Variants in PALS2 observed in about 807,000 individuals in gnomAD.
PALS2 encodes the protein protein associated with LIN7 2, MAGUK p55 family member.
PALS2 carries 27 observed loss-of-function variants against 61.6 expected under a neutral mutation model. The observed-to-expected ratio is 0.44, with a 90% CI of 0.32 to 0.60. The LOEUF (loss-of-function observed/expected upper bound fraction) is 0.60, where lower values mean the gene tolerates loss of function less well. Ranked by LOEUF, PALS2 falls within the 20% of genes least tolerant of loss-of-function variation. The pLI, the probability that PALS2 is intolerant of heterozygous loss-of-function variation, is 0.05. For synonymous variants in PALS2, 236 were observed against 218.6 expected (o/e 1.08, Z -0.70); for missense variants, 554 against 639.4 (o/e 0.87, Z 1.44).
At chr7:24,619,817 A>G (rs892829998) in intron 1 of PALS2, among the ~76,000 whole-genome samples, 129 of 151,994 alleles carry the variant, frequency 8.5e-4, no homozygotes, top group African/African-American at 2.9e-3. Flanking sequence ...ATTATTGAGA[A>G]GGAGTGGAAC....
At chr7:24,617,334 T>G (rs1038684658) in intron 1 of PALS2, among the ~76,000 whole-genome samples, 1 of 152,244 alleles carries the variant, frequency 6.6e-6, no homozygotes, top group Non-Finnish European at 1.5e-5. Flanking sequence ...TCTCACTGTT[T>G]CCTTACGATT....
At chr7:24,616,397 A>C (rs1364834452) in intron 1 of PALS2, among the ~76,000 whole-genome samples, 1 of 152,186 alleles carries the variant, frequency 6.6e-6, no homozygotes, top group African/African-American at 2.4e-5. Context: ...TTCTATATAC[A>C]AACAACACAC....
intron 1 of PALS2, among the ~76,000 whole-genome samples, chr7:24,575,972 TA>T (rs1158984922): frequency 6.6e-6 from 1 of 152,138 alleles, no homozygotes; most frequent in Non-Finnish European, 1.5e-5. Flanking sequence ...TTTTTTTTTT[TA>T]AATCAGAACT....
chr7:24,593,452 C>G (rs546234012), intron 1 of PALS2, among the ~76,000 whole-genome samples: 1 of 152,204 alleles, frequency 6.6e-6, no homozygotes, highest in South Asian at 2.1e-4. Context: ...ATGGTGAATC[C>G]TTTCCAAAAG....
chr7:24,608,112 T>C (rs989012611), intron 1 of PALS2, among the ~76,000 whole-genome samples: 3 of 152,214 alleles, frequency 2.0e-5, no homozygotes, highest in Admixed American at 2.0e-4. Context: ...TTTTAAATGT[T>C]ATATGTAAAG....
intron 1 of PALS2, among the ~76,000 whole-genome samples, chr7:24,586,601 A>G (rs953632066): frequency 2.0e-5 from 3 of 152,212 alleles, no homozygotes; most frequent in African/African-American, 7.2e-5. Flanking sequence ...AGAGTGCATT[A>G]GGTTGAATAG....
intron 1 of PALS2, among the ~76,000 whole-genome samples, chr7:24,623,199 CGT>C (rs1491346642): frequency 5.0e-5 from 7 of 141,140 alleles, no homozygotes; most frequent in African/African-American, 1.8e-4. Context: ...CCTTCTCTTC[CGT>C]TTTTTTTTTT....
chr7:24,658,848 C>G (rs940160887), intron 5 of PALS2, among the ~76,000 whole-genome samples: 3 of 152,092 alleles, frequency 2.0e-5, no homozygotes, highest in Non-Finnish European at 4.4e-5. Context: ...AGCCACTGCA[C>G]CCGGCCCTTC....
At chr7:24,574,028 G>A (rs950738848) in intron 1 of PALS2, 1 of 152,288 alleles carries the variant, frequency 6.6e-6, no homozygotes, top group South Asian at 2.1e-4. Context: ...TCGCGGTGGA[G>A]CCTGAATGGA....
intron 5 of PALS2, among the ~76,000 whole-genome samples, chr7:24,661,565 A>G (rs191257647): frequency 1.3e-5 from 2 of 152,294 alleles, no homozygotes; most frequent in East Asian, 3.9e-4. Flanking sequence ...CTATTCTTCA[A>G]TCACTGCATC....
At chr7:24,674,971 A>G (rs1443373016) in intron 9 of PALS2, among the ~76,000 whole-genome samples, 1 of 152,206 alleles carries the variant, frequency 6.6e-6, no homozygotes, top group Non-Finnish European at 1.5e-5. Flanking sequence ...CTAAAAAATC[A>G]CATTATGTAG....
At chr7:24,664,093 A>G (rs77325818) in intron 6 of PALS2, among the ~76,000 whole-genome samples, 2,446 of 152,262 alleles carry the variant, frequency 0.016, 76 homozygotes, top group African/African-American at 0.056. Flanking sequence ...TTACTGTGAA[A>G]TAAGTGTGTC....
chr7:24,639,370 C>T (rs1208534260), intron 2 of PALS2, among the ~76,000 whole-genome samples: 1 of 151,288 alleles, frequency 6.6e-6, no homozygotes, highest in Non-Finnish European at 1.5e-5. Context: ...TTTCTTCGTC[C>T]ATAGTGTGAG....
chr7:24,631,703 C>G (rs986413473), intron 2 of PALS2, among the ~76,000 whole-genome samples: 1 of 152,186 alleles, frequency 6.6e-6, no homozygotes, highest in Non-Finnish European at 1.5e-5. Flanking sequence ...GAAATTGCCA[C>G]AGCCACCCAA....
intron 11 of PALS2, among the ~76,000 whole-genome samples, chr7:24,684,552 C>T (rs987843808): frequency 6.6e-6 from 1 of 152,126 alleles, no homozygotes; most frequent in African/African-American, 2.4e-5. Context: ...TCCAGAAGCC[C>T]TTGTTTCTTT....
chr7:24,637,460 T>G (rs1173171783), intron 2 of PALS2, among the ~76,000 whole-genome samples: 1 of 151,684 alleles, frequency 6.6e-6, no homozygotes. Flanking sequence ...TGATCTTGAG[T>G]TTTAGGTCTC....
intron 6 of PALS2, among the ~76,000 whole-genome samples, chr7:24,663,937 C>G (rs1339092173): frequency 1.3e-5 from 2 of 152,180 alleles, no homozygotes; most frequent in African/African-American, 2.4e-5. Flanking sequence ...GCCTGTGGCA[C>G]TAACCCATTG....
At chr7:24,574,308 G>A (rs1250020590) in intron 1 of PALS2, 1 of 152,296 alleles carries the variant, frequency 6.6e-6, no homozygotes, top group Non-Finnish European at 1.5e-5. Context: ...AATAGGTGCT[G>A]GGGCTTTTTT....
intron 9 of PALS2, among the ~76,000 whole-genome samples, chr7:24,677,932 A>C (rs1351838916): frequency 6.6e-6 from 1 of 152,200 alleles, no homozygotes; most frequent in East Asian, 1.9e-4. Context: ...TTTTGTTCTT[A>C]TAAAAGTTTT....
Sources: gnomAD v4.1 joint callset for allele counts (sites outside exome capture counted in the v4.1 genomes callset) on GRCh38, gnomAD v4.1.1 for gene constraint, MANE v1.5 for transcripts, NCBI Gene and HGNC (gene_info 2026-07-23, HGNC 2026-07-21) for gene names.